The following IL1RAPL2 variants were observed in gnomAD, a reference collection of about 807,000 sequenced individuals.
IL1RAPL2 encodes the protein X-linked interleukin-1 receptor accessory protein-like 2.
In IL1RAPL2, 3 loss-of-function variants were observed where a neutral mutation model predicts 44.1. The observed-to-expected ratio is 0.07, with a 90% CI of 0.03 to 0.18. The LOEUF is 0.18. IL1RAPL2 is among the 10% of genes least tolerant of loss of function. IL1RAPL2 has a pLI of 1.00. For missense variants in IL1RAPL2, 391 were observed against 496.4 expected, an observed-to-expected ratio of 0.79 and a Z score of 2.02; for synonymous variants, 181 against 178.8, an observed-to-expected ratio of 1.01 and a Z score of -0.10.
intron 3 of IL1RAPL2, chrX:105,219,979 T>C: frequency 8.3e-7 from 1 of 1,202,833 alleles, no homozygotes. Flanking sequence ...TCTCTCTTTC[T>C]GCACCTCCAC....
chrX:105,007,927 T>C (rs1412361440), intron 2 of IL1RAPL2, among the ~76,000 whole-genome samples: 2 of 114,737 alleles, frequency 1.7e-5, no homozygotes, highest in Non-Finnish European at 3.7e-5. Context: ...GTAGAAAAAT[T>C]CAGAATCGTT....
At chrX:104,941,273 G>A (rs1411131101) in intron 2 of IL1RAPL2, among the ~76,000 whole-genome samples, 1 of 111,259 alleles carries the variant, frequency 9.0e-6, no homozygotes, top group African/African-American at 3.3e-5. Flanking sequence ...TTGGGGAATC[G>A]CCACACTGTC....
At chrX:104,657,786 C>A (rs1196205039) in intron 1 of IL1RAPL2, among the ~76,000 whole-genome samples, 9 of 110,498 alleles carry the variant, frequency 8.1e-5, no homozygotes, top group South Asian at 7.5e-4. Context: ...GAAAAAAAAA[C>A]CCATCAAAAA....
intron 5 of IL1RAPL2, among the ~76,000 whole-genome samples, chrX:105,280,417 A>G (rs1253964143): frequency 8.9e-6 from 1 of 111,816 alleles, no homozygotes; most frequent in Non-Finnish European, 1.9e-5. Flanking sequence ...ACAAAAGCCA[A>G]AATAGACAAA....
intron 5 of IL1RAPL2, among the ~76,000 whole-genome samples, chrX:105,315,505 TTCA>T (rs1305499102): frequency 1.1e-5 from 1 of 93,939 alleles, no homozygotes; most frequent in Non-Finnish European, 2.1e-5. Context: ...CCAAAACATT[TTCA>T]TCATCACAAA....
chrX:105,713,229 ACT>A (rs1158679644), intron 6 of IL1RAPL2, among the ~76,000 whole-genome samples: 7 of 110,337 alleles, frequency 6.3e-5, no homozygotes, highest in Admixed American at 9.6e-5. Flanking sequence ...CCCAGTGGGG[ACT>A]CTCTATCAGG....
At chrX:104,650,852 G>A (rs1433967946) in intron 1 of IL1RAPL2, among the ~76,000 whole-genome samples, 1 of 111,456 alleles carries the variant, frequency 9.0e-6, no homozygotes, top group East Asian at 2.8e-4. Flanking sequence ...GTTCAGTAGT[G>A]GTTAAGAGAT....
chrX:105,381,984 A>G (rs1765669736), intron 5 of IL1RAPL2, among the ~76,000 whole-genome samples: 1 of 112,184 alleles, frequency 8.9e-6, no homozygotes, highest in South Asian at 3.7e-4. Context: ...TGGATTAAAG[A>G]CTTAAATGTT....
chrX:105,029,140 A>G (rs185086835), intron 2 of IL1RAPL2, among the ~76,000 whole-genome samples: 1 of 107,948 alleles, frequency 9.3e-6, no homozygotes, highest in African/African-American at 3.3e-5. Flanking sequence ...GTTTTCTCAT[A>G]TCTCAATTTT....
intron 2 of IL1RAPL2, among the ~76,000 whole-genome samples, chrX:105,034,377 G>C (rs1299965026): frequency 9.0e-6 from 1 of 111,608 alleles, no homozygotes; most frequent in Non-Finnish European, 1.9e-5. Context: ...GGTCTTTGAT[G>C]ATGGTGATGT....
chrX:105,215,139 C>CA (rs2033843974), intron 3 of IL1RAPL2, among the ~76,000 whole-genome samples: 1 of 111,662 alleles, frequency 9.0e-6, no homozygotes, highest in South Asian at 3.7e-4. Flanking sequence ...GATAGAGACA[C>CA]AAAAAACCCT....
At chrX:104,709,218 G>A (rs1931412227) in intron 2 of IL1RAPL2, among the ~76,000 whole-genome samples, 1 of 108,416 alleles carries the variant, frequency 9.2e-6, no homozygotes, top group Non-Finnish European at 1.9e-5. Flanking sequence ...GTGGGCTGTT[G>A]AGCCTGTCCC....
intron 2 of IL1RAPL2, among the ~76,000 whole-genome samples, chrX:105,010,234 A>G (rs2031025638): frequency 9.0e-6 from 1 of 111,354 alleles, no homozygotes; most frequent in Non-Finnish European, 1.9e-5. Context: ...AGTTTTTCCC[A>G]AAATAGTGCT....
At chrX:104,761,911 CCTTCTCCTTCTCCTT>C (rs1569309862) in intron 2 of IL1RAPL2, among the ~76,000 whole-genome samples, 56 of 40,693 alleles carry the variant, frequency 1.4e-3, no homozygotes, top group Middle Eastern at 0.022. Flanking sequence ...TTCTCCTTCT[CCTTCTCCTTCTCCTT>C]CTTCTTCTTC....
At chrX:105,084,746 A>G (rs1363504580) in intron 2 of IL1RAPL2, among the ~76,000 whole-genome samples, 1 of 111,719 alleles carries the variant, frequency 9.0e-6, no homozygotes, top group Non-Finnish European at 1.9e-5. Flanking sequence ...TGATTTTGAA[A>G]TATAAAAAGT....
chrX:105,219,168 G>A, intron 3 of IL1RAPL2: 3 of 1,211,280 alleles, frequency 2.5e-6, no homozygotes, highest in South Asian at 1.8e-5. Flanking sequence ...CAGACCACAG[G>A]CTAGTATCAA....
chrX:105,740,070 G>A (rs1055510198), intron 7 of IL1RAPL2, among the ~76,000 whole-genome samples: 6 of 107,604 alleles, frequency 5.6e-5, no homozygotes, highest in Admixed American at 1.0e-4. Flanking sequence ...ATCTCATTGT[G>A]GTTTTGATTT....
intron 6 of IL1RAPL2, among the ~76,000 whole-genome samples, chrX:105,494,762 C>T (rs1035490087): frequency 9.0e-6 from 1 of 111,342 alleles, no homozygotes; most frequent in African/African-American, 3.3e-5. Flanking sequence ...TCAAGTGATC[C>T]TCCTGTCTCA....
intron 1 of IL1RAPL2, among the ~76,000 whole-genome samples, chrX:104,580,615 G>T (rs1321110799): frequency 8.9e-6 from 1 of 111,745 alleles, no homozygotes; most frequent in Admixed American, 9.5e-5. Flanking sequence ...GCTGCAGAAG[G>T]TATATATATT....
Sources: gnomAD v4.1 joint callset for allele counts (sites outside exome capture counted in the v4.1 genomes callset) on GRCh38, gnomAD v4.1.1 for gene constraint, MANE v1.5 for transcripts, NCBI Gene and HGNC (gene_info 2026-07-23, HGNC 2026-07-21) for gene names.